TEX11: variants seen among roughly 807,000 people sequenced by gnomAD.
TEX11 encodes testis expressed 11.
In TEX11, 7 loss-of-function variants were observed where a neutral mutation model predicts 84.4. That is an observed-to-expected ratio of 0.08 (90% confidence interval 0.05 to 0.16). The LOEUF is 0.16. Ranked by LOEUF, TEX11 falls within the 10% of genes least tolerant of loss-of-function variation. The pLI is 1.00. For synonymous variants in TEX11, 264 were observed against 222.8 expected (o/e 1.18, Z -1.64); for missense variants, 551 against 660.5 (o/e 0.83, Z 1.82).
At position 70,612,169 on chromosome X, in the gene TEX11, C is replaced by A. The variant is rs144944387; in HGVS notation, c.1752-1626G>T. On this transcript the variant is annotated intron_variant, in intron 20 of 29. Transcript: ENST00000374333. Reference sequence around the variant, plus strand: ...AATAATAATAATAATAATGCTTCCCCTCTCCCCACAATTCACCACCACATT... The same window carrying A: ...AATAATAATAATAATAATGCTTCCCATCTCCCCACAATTCACCACCACATT... 6.4e-5 allele frequency among the ~76,000 whole-genome samples: 7 copies of A among 109,985 alleles called. No individual in the cohort carries two copies. The East Asian group carries it at 1.7e-3, about 27-fold the overall frequency.
chrX:70,744,265 T>C lies in TEX11; in HGVS notation c.693-46A>G, dbSNP rs767318540. On this transcript the variant is annotated intron_variant, in intron 9 of 29. Transcript: ENST00000374333. ...AAATATATATATATATATAAACATA[T>C]ATCCATTTCAAATTATATATAATTT... The C allele has an allele frequency of 1.4e-3, 758 of 535,942 alleles. 7 individuals carry two copies. The highest frequency in any genetic ancestry group is 0.011 in the Middle Eastern group (13 of 1,235). 44.2% of individuals were successfully genotyped at this position (535,942 alleles called of 1,213,427 possible).
At chrX:70,787,709 C>A (rs2091088210) in intron 9 of TEX11, among the ~76,000 whole-genome samples, 2 of 111,357 alleles carry the variant, frequency 1.8e-5, no homozygotes, top group African/African-American at 6.5e-5. Context: ...TAAAAGACAT[C>A]CAAACAAGAA....
In TEX11 at chrX:70,529,783, A is replaced by G. The variant is rs1003631771; in HGVS notation, c.2685+52T>C. On this transcript the variant is annotated intron_variant, in intron 29 of 29. Transcript: ENST00000374333. The stretch of plus-strand genomic sequence containing the variant: ...GAGTCCTTGTGGAGAGCCCAGCCAT[A>G]ACCTCTTGCCCCCTAGGTCATGTCA... The G allele has an allele frequency of 3.5e-6, 4 of 1,131,059 alleles. No individual in the cohort carries two copies. The African/African-American group carries it at 7.3e-5, about 21-fold the overall frequency. 93.2% of individuals were successfully genotyped at this position (1,131,059 alleles called of 1,213,427 possible). A position where few individuals can be genotyped will look rare whatever the true frequency, so the allele number is the denominator to read the frequency against.
the TEX11 span, among the ~76,000 whole-genome samples, chrX:70,514,325 G>A: frequency 1.3e-4 from 13 of 100,703 alleles, no homozygotes; most frequent in South Asian, 4.0e-4. Context: ...GGCCGGGTGC[G>A]GTGGCTCATG....
At chrX:70,532,352 T>C (rs754247042) in intron 28 of TEX11, among the ~76,000 whole-genome samples, 2 of 112,073 alleles carry the variant, frequency 1.8e-5, no homozygotes, top group African/African-American at 6.5e-5. Context: ...GAGAGTGATA[T>C]GATGAAAGTG....
the TEX11 span, among the ~76,000 whole-genome samples, chrX:70,521,622 G>A: frequency 9.0e-6 from 1 of 111,423 alleles, no homozygotes; most frequent in East Asian, 2.8e-4. Flanking sequence ...CCCTCAGAAC[G>A]TAAAGAAATC....
At chrX:70,639,202 CT>C (rs757226428) in intron 17 of TEX11, among the ~76,000 whole-genome samples, 1 of 112,137 alleles carries the variant, frequency 8.9e-6, no homozygotes, top group Non-Finnish European at 1.9e-5. Flanking sequence ...GAATACTGCG[CT>C]TTTCTCACGG....
chrX:70,688,742 C>A (rs2090210326), intron 13 of TEX11, among the ~76,000 whole-genome samples: 1 of 106,850 alleles, frequency 9.4e-6, no homozygotes, highest in Non-Finnish European at 1.9e-5. Flanking sequence ...AATCTCAATG[C>A]ATACAAATTA....
At chrX:70,619,521 T>C (rs1027730977) in intron 20 of TEX11, among the ~76,000 whole-genome samples, 31 of 104,411 alleles carry the variant, frequency 3.0e-4, no homozygotes, top group African/African-American at 1.0e-3. Flanking sequence ...GAATAGTAGA[T>C]GAGAGTAAGA....
At chrX:70,646,996 A>G (rs1422206023) in intron 17 of TEX11, among the ~76,000 whole-genome samples, 2 of 112,029 alleles carry the variant, frequency 1.8e-5, no homozygotes, top group East Asian at 5.6e-4. Flanking sequence ...TTATCGGTGG[A>G]TAAGTGGATA....
At chrX:70,568,364 G>T (rs2088527739) in intron 25 of TEX11, among the ~76,000 whole-genome samples, 1 of 110,734 alleles carries the variant, frequency 9.0e-6, no homozygotes, top group South Asian at 3.9e-4. Context: ...TATCCAATTT[G>T]CCAGTCTGTG....
chrX:70,609,263 C>A, intron 21 of TEX11, 86 bp from the exon 22 acceptor site: 1 of 832,849 alleles, frequency 1.2e-6, no homozygotes, highest in Non-Finnish European at 1.7e-6. Flanking sequence ...AACAGTCTCA[C>A]AGGAGTTTGA....
chrX:70,624,000 C>G lies in TEX11; in HGVS notation c.1701G>C (p.Leu567Phe), dbSNP rs1569362186. ...QEQVLTAVKC[L>F]LRFLLPKIAE... ...CAATTTTTGGAAGAAGAAAACGAAG[C>G]AAACACCTGTATGACAAAGTAATAT... The change falls in exon 20 of 30, where the codon TTG (leucine) becomes TTC (phenylalanine). Residue 567 changes from leucine to phenylalanine, a missense_variant. Leu to Phe is a conservative substitution (Grantham distance 22, BLOSUM62 0). Transcript: ENST00000374333. The G allele has an allele frequency of 8.3e-7, 1 of 1,203,420 alleles. No homozygotes were observed. Among genetic ancestry groups the G allele is most frequent in the Non-Finnish European group, 1.1e-6 (1 of 890,589 alleles).
intron 28 of TEX11, among the ~76,000 whole-genome samples, chrX:70,533,470 T>C (rs1277805749): frequency 9.0e-6 from 1 of 111,374 alleles, no homozygotes; most frequent in African/African-American, 3.3e-5. Context: ...GTAGAGAATA[T>C]TGGAAATGTT....
chrX:70,802,754 C>T (rs1391518596), intron 9 of TEX11, among the ~76,000 whole-genome samples: 1 of 111,264 alleles, frequency 9.0e-6, no homozygotes, highest in East Asian at 2.8e-4. Flanking sequence ...ATTTTTCTCC[C>T]AGGGAAAAAA....
chrX:70,731,261 A>C (rs1242389908), intron 11 of TEX11, among the ~76,000 whole-genome samples: 1 of 111,667 alleles, frequency 9.0e-6, no homozygotes, highest in African/African-American at 3.3e-5. Flanking sequence ...AGCAAGAGCA[A>C]ACACATGCAA....
At chrX:70,585,391 T>A (rs1316818878) in intron 25 of TEX11, among the ~76,000 whole-genome samples, 2 of 112,155 alleles carry the variant, frequency 1.8e-5, no homozygotes, top group African/African-American at 3.2e-5. Flanking sequence ...CAGCCTACAT[T>A]TATGGATTGG....
At chrX:70,604,266 ATGT>A (rs906137410) in intron 24 of TEX11, among the ~76,000 whole-genome samples, 1 of 111,927 alleles carries the variant, frequency 8.9e-6, no homozygotes, top group Non-Finnish European at 1.9e-5. Context: ...TAAAAATAAG[ATGT>A]TATTATTATT....
At chrX:70,734,363 C>G (rs888785701) in intron 11 of TEX11, among the ~76,000 whole-genome samples, 1 of 110,316 alleles carries the variant, frequency 9.1e-6, no homozygotes, top group Non-Finnish European at 1.9e-5. Flanking sequence ...AAATGAGAAA[C>G]TCTGGGAGTA....
Sources: gnomAD v4.1 joint callset for allele counts (sites outside exome capture counted in the v4.1 genomes callset) on GRCh38, gnomAD v4.1.1 for gene constraint, MANE v1.5 for transcripts, NCBI Gene and HGNC (gene_info 2026-07-23, HGNC 2026-07-21) for gene names.